GLP2R: variants seen among roughly 807,000 people sequenced by gnomAD.
GLP2R encodes glucagon-like peptide 2 receptor.
GLP2R carries 59 observed loss-of-function variants against 68.2 expected under a neutral mutation model. The observed-to-expected ratio is 0.87, with a 90% CI of 0.70 to 1.07. The LOEUF (loss-of-function observed/expected upper bound fraction) is 1.07. Ranked by LOEUF, GLP2R falls within the 50% of genes least tolerant of loss-of-function variation. The pLI, the probability that GLP2R is intolerant of heterozygous loss-of-function variation, is 0.00. For synonymous variants in GLP2R, 270 were observed against 265.4 expected, an observed-to-expected ratio of 1.02 and a Z score of -0.17; for missense variants, 548 against 677.4, an observed-to-expected ratio of 0.81 and a Z score of 2.12.
intron 6 of GLP2R, 73 bp from the exon 7 acceptor site, chr17:9,859,869 G>A: frequency 3.1e-6 from 3 of 969,302 alleles, no homozygotes; most frequent in Non-Finnish European, 4.3e-6. Flanking sequence ...GTCTCTGGGA[G>A]GCCCTTCTCC....
intron 3 of GLP2R, among the ~76,000 whole-genome samples, chr17:9,840,704 A>C (rs2152033173): frequency 6.6e-6 from 1 of 152,328 alleles, no homozygotes; most frequent in South Asian, 2.1e-4. Context: ...TTGCACCTGT[A>C]AACTGGGTAG....
intron 10 of GLP2R, among the ~76,000 whole-genome samples, chr17:9,872,450 G>A (rs1045585435): frequency 6.6e-6 from 1 of 152,172 alleles, no homozygotes; most frequent in Admixed American, 6.5e-5. Flanking sequence ...GGTGGTGTGT[G>A]CCTGTAATCC....
chr17:9,871,185 T>C (rs1047425572), intron 10 of GLP2R, among the ~76,000 whole-genome samples: 8 of 152,054 alleles, frequency 5.3e-5, no homozygotes, highest in African/African-American at 1.9e-4. Context: ...CTGGACAACA[T>C]GGTGAAACCC....
intron 4 of GLP2R, chr17:9,852,992 G>A: frequency 4.2e-6 from 2 of 480,390 alleles, no homozygotes; most frequent in Non-Finnish European, 7.8e-6. Flanking sequence ...CATCTGCTCT[G>A]AACCACACTC....
chr17:9,845,800 C>T (rs1396366828), intron 4 of GLP2R, among the ~76,000 whole-genome samples: 1 of 148,970 alleles, frequency 6.7e-6, no homozygotes. Flanking sequence ...TTTCAAAAGC[C>T]AAAAACCTAG....
chr17:9,842,512 T>G lies in GLP2R; in HGVS notation c.400T>G (p.Tyr134Asp), dbSNP rs1252114907. 1 of 1,614,004 alleles carries G rather than the reference T, an allele frequency of 6.2e-7. No individual in the cohort carries two copies. Among genetic ancestry groups the G allele is most frequent in the Non-Finnish European group, 8.5e-7 (1 of 1,180,004 alleles). ...WWSEESSGRA[Y>D]RHCLAQGTWQ... ...ACTTTCAGAGAGCTCAGGAAGGGCC[T>G]ACAGACACTGCTTGGCTCAGGGGAC... Residue 134 changes from tyrosine (Y) to aspartate (D), a missense_variant, in exon 4 of 13, where the codon TAC becomes GAC. Tyr to Asp is a radical substitution (Grantham distance 160). Coordinates refer to ENST00000262441, the MANE Select transcript of GLP2R (RefSeq NM_004246.3).
At chr17:9,854,803 T>C (rs2081936533) in intron 5 of GLP2R, among the ~76,000 whole-genome samples, 1 of 152,196 alleles carries the variant, frequency 6.6e-6, no homozygotes, top group South Asian at 2.1e-4. Context: ...CTGATAAAGT[T>C]TAATTTATAA....
chr17:9,877,609 G>A (rs967138077), intron 10 of GLP2R, among the ~76,000 whole-genome samples: 1 of 152,146 alleles, frequency 6.6e-6, no homozygotes. Flanking sequence ...GGGAAACTAT[G>A]CCGGGGGCGG....
chr17:9,859,032 A>AT (rs1597390771), intron 6 of GLP2R, among the ~76,000 whole-genome samples: 1 of 151,522 alleles, frequency 6.6e-6, no homozygotes. Context: ...TCTTTTTCTA[A>AT]CTTTTTTTTA....
intron 2 of GLP2R, 94 bp from the exon 3 acceptor site, chr17:9,836,277 C>T (rs2152031200): frequency 5.0e-6 from 4 of 807,826 alleles, no homozygotes; most frequent in South Asian, 4.3e-5. Flanking sequence ...GCTTCCAGTG[C>T]CAGGAAGGTG....
At position 9,889,819 on chromosome 17, in the gene GLP2R, C is replaced by T; in HGVS notation, c.*114C>T. 2 of 668,980 alleles carry T rather than the reference C, an allele frequency of 3.0e-6. No homozygotes were observed. Among genetic ancestry groups the T allele is most frequent in the Non-Finnish European group, 5.1e-6 (2 of 392,884 alleles). The allele number at this position is 668,980 out of a possible 1,614,324, so 41.4% of individuals were successfully genotyped here. A position where few individuals can be genotyped will look rare whatever the true frequency, so the allele number is the denominator to read the frequency against. On this transcript the variant is annotated 3_prime_UTR_variant, in exon 13 of 13. Coordinates refer to ENST00000262441, the MANE Select transcript of GLP2R (RefSeq NM_004246.3). ...ACGGAATCATTCTCGTTCCATTCAC[C>T]ATGCCACTTTGATATGAAAGCTATC...
chr17:9,859,230 A>G (rs534060392), intron 6 of GLP2R, among the ~76,000 whole-genome samples: 1 of 152,184 alleles, frequency 6.6e-6, no homozygotes, highest in East Asian at 1.9e-4. Context: ...TGGATTGCTT[A>G]GAAGTCTATT....
At chr17:9,833,296 G>T (rs1180235312) in intron 1 of GLP2R, among the ~76,000 whole-genome samples, 1 of 150,664 alleles carries the variant, frequency 6.6e-6, no homozygotes, top group Admixed American at 6.6e-5. Flanking sequence ...AGAAAGAAAA[G>T]ATCCTATAAC....
At chr17:9,859,564 G>A (rs765320529) in intron 6 of GLP2R, among the ~76,000 whole-genome samples, 8 of 151,640 alleles carry the variant, frequency 5.3e-5, no homozygotes, top group Non-Finnish European at 1.0e-4. Context: ...AGGCCAGGGC[G>A]GGTGGATCAC....
At chr17:9,874,559 A>T (rs564800929) in intron 10 of GLP2R, among the ~76,000 whole-genome samples, 35 of 152,280 alleles carry the variant, frequency 2.3e-4, no homozygotes, top group Admixed American at 1.8e-3. Flanking sequence ...CTAGGGTGAG[A>T]TGCCTCACCT....
intron 6 of GLP2R, among the ~76,000 whole-genome samples, 176 bp downstream of exon 6, chr17:9,857,752 G>A (rs570393021): frequency 7.7e-6 from 1 of 129,362 alleles, no homozygotes; most frequent in African/African-American, 3.6e-5. Context: ...CCAAGAGCAG[G>A]CCAGGTGAAA....
chr17:9,873,892 G>A (rs948787958), intron 10 of GLP2R, among the ~76,000 whole-genome samples: 2 of 152,008 alleles, frequency 1.3e-5, no homozygotes, highest in African/African-American at 4.8e-5. Flanking sequence ...TATTCTGGTC[G>A]GGCCATTATA....
At chr17:9,848,867 T>TTTTG (rs1555570622) in intron 4 of GLP2R, among the ~76,000 whole-genome samples, 1 of 139,326 alleles carries the variant, frequency 7.2e-6, no homozygotes, top group Non-Finnish European at 1.6e-5. Flanking sequence ...TTAAAGGAGA[T>TTTTG]TGTGTGTGTG....
intron 9 of GLP2R, among the ~76,000 whole-genome samples, chr17:9,868,430 A>G (rs1375428301): frequency 6.6e-6 from 1 of 152,186 alleles, no homozygotes; most frequent in Non-Finnish European, 1.5e-5. Flanking sequence ...AGTGTCACCA[A>G]GAATGTCACA....
Sources: allele counts gnomAD v4.1 joint callset (sites outside exome capture counted in the v4.1 genomes callset), GRCh38; gene constraint gnomAD v4.1.1; transcripts MANE v1.5; gene names NCBI Gene and HGNC (gene_info 2026-07-23, HGNC 2026-07-21).